NOL4L: variants seen among roughly 807,000 people sequenced by gnomAD.
NOL4L encodes nucleolar protein 4-like.
A neutral mutation model predicts 64.5 loss-of-function variants in NOL4L; 7 were observed. The observed-to-expected ratio is 0.11, with a 90% CI of 0.06 to 0.20. The LOEUF is 0.20. Ranked by LOEUF, NOL4L falls within the 10% of genes least tolerant of loss-of-function variation. The probability of loss-of-function intolerance (pLI) is 1.00; values close to 1 mark genes in which losing one functional copy is unlikely to be tolerated. For synonymous variants in NOL4L, 413 were observed against 401.0 expected, an observed-to-expected ratio of 1.03 and a Z score of -0.36; for missense variants, 680 against 967.1, an observed-to-expected ratio of 0.70 and a Z score of 3.94.
In NOL4L at chr20:32,447,683, C is replaced by T. The variant is rs369968679; in HGVS notation, c.1956G>A (p.Arg652=). 61 of 1,612,468 alleles carry T rather than the reference C, an allele frequency of 3.8e-5. No homozygotes were observed. Among genetic ancestry groups the T allele is most frequent in the Non-Finnish European group, 4.7e-5 (56 of 1,179,924 alleles). ...ACTCCCGGTAGCCCGCGATGAGCTG[C>T]CGCACGGCGCTGATCTCCGTGGGGC... is the stretch of plus-strand genomic sequence containing the variant. ...QLSPTEISAV[R]QLIAGYRESA... is the part of the protein sequence containing the mutation. The change falls in exon 11 of 11, where the codon CGG becomes CGA. Residue 652 remains arginine (R), a synonymous_variant. Coordinates refer to ENST00000621426, the MANE Select transcript of NOL4L (RefSeq NM_001256798.2).
intron 3 of NOL4L, among the ~76,000 whole-genome samples, chr20:32,516,169 C>T (rs941313938): frequency 2.0e-5 from 3 of 151,902 alleles, no homozygotes; most frequent in East Asian, 3.9e-4. Context: ...GGGTGGGCGT[C>T]GAAGGATGTG....
chr20:32,570,110 C>T (rs6141752), intron 1 of NOL4L, among the ~76,000 whole-genome samples: 39,730 of 151,890 alleles, frequency 0.26, 6,588 homozygotes, highest in East Asian at 0.75. Flanking sequence ...GAGGAGGAAA[C>T]TGAGGCCAAG....
At chr20:32,483,506 C>T in intron 4 of NOL4L, 5 of 984,142 alleles carry the variant, frequency 5.1e-6, no homozygotes, top group Non-Finnish European at 6.0e-6. Flanking sequence ...CACCGCGGCG[C>T]GTCACTGCCC....
At chr20:32,569,296 G>T (rs1979622245) in intron 1 of NOL4L, among the ~76,000 whole-genome samples, 2 of 152,230 alleles carry the variant, frequency 1.3e-5, no homozygotes, top group Non-Finnish European at 2.9e-5. Flanking sequence ...TGGAAAGAGG[G>T]ACCAGAGCTG....
At chr20:32,485,087 A>AAAAAAAAAAAAAAC (rs2016022458) in intron 4 of NOL4L, among the ~76,000 whole-genome samples, 1 of 137,702 alleles carries the variant, frequency 7.3e-6, no homozygotes, top group Non-Finnish European at 1.6e-5. Context: ...AAAAAAAAAA[A>AAAAAAAAAAAAAAC]CAACTAAAAA....
At chr20:32,475,526 G>C (rs369526962) in intron 4 of NOL4L, among the ~76,000 whole-genome samples, 23 of 152,266 alleles carry the variant, frequency 1.5e-4, no homozygotes, top group Non-Finnish European at 3.1e-4. Flanking sequence ...CCCTTGGCCA[G>C]TCATCCGGGA....
chr20:32,517,817 A>G (rs2017740981), intron 3 of NOL4L, among the ~76,000 whole-genome samples: 1 of 152,178 alleles, frequency 6.6e-6, no homozygotes, highest in Admixed American at 6.5e-5. Flanking sequence ...CCTCCACAAT[A>G]GGCTCACCCT....
intron 1 of NOL4L, among the ~76,000 whole-genome samples, chr20:32,562,691 A>G (rs1474653819): frequency 4.6e-5 from 7 of 151,782 alleles, no homozygotes; most frequent in Non-Finnish European, 8.8e-5. Flanking sequence ...CTGGTATCCT[A>G]TCTCTGGAAT....
chr20:32,520,104 G>A (rs1446507027), intron 3 of NOL4L: 1 of 152,114 alleles, frequency 6.6e-6, no homozygotes, highest in Non-Finnish European at 1.5e-5. Context: ...CTAACATGGT[G>A]AAACCCCATC....
intron 4 of NOL4L, among the ~76,000 whole-genome samples, chr20:32,488,820 T>TC (rs1491215552): frequency 5.2e-5 from 1 of 19,126 alleles, no homozygotes; most frequent in Admixed American, 7.0e-4. Flanking sequence ...TTTCTTTCTT[T>TC]CTTTCTTTTT....
chr20:32,507,232 TA>T (rs1325150294), intron 4 of NOL4L, among the ~76,000 whole-genome samples: 4 of 152,072 alleles, frequency 2.6e-5, no homozygotes, highest in Non-Finnish European at 5.9e-5. Context: ...TATTCCCAAA[TA>T]AAAAAACTCT....
rs534407631 is a variant in NOL4L, at chr20:32,500,423, G to A, written c.699+10924C>T. On this transcript the variant is annotated intron_variant, in intron 4 of 10. Coordinates refer to ENST00000621426, the MANE Select transcript of NOL4L (RefSeq NM_001256798.2). ...GGCTGGAGTGCAGTGGCACAATCTC[G>A]GCTCATTGCAAGCTCCGCCTCCCGG... 6.0e-5 allele frequency among the ~76,000 whole-genome samples: 9 copies of A among 149,076 alleles called. No individual in the cohort carries two copies. In the East Asian group the frequency reaches 1.6e-3, roughly 26 times the overall value.
intron 10 of NOL4L, among the ~76,000 whole-genome samples, chr20:32,450,800 T>TC (rs896474918): frequency 1.3e-5 from 2 of 152,144 alleles, no homozygotes; most frequent in Non-Finnish European, 2.9e-5. Flanking sequence ...GGGCTTTTCT[T>TC]CCTGGAATGA....
At chr20:32,509,084 C>G (rs2145551766) in intron 4 of NOL4L, among the ~76,000 whole-genome samples, 1 of 152,296 alleles carries the variant, frequency 6.6e-6, no homozygotes, top group South Asian at 2.1e-4. Flanking sequence ...TCAGTCCACC[C>G]TCCAAGCCCA....
At position 32,480,096 on chromosome 20, in the gene NOL4L, A is replaced by C. The variant is rs975193058; in HGVS notation, c.700-5354T>G. Reference sequence around the variant, plus strand: ...GTAACTACGGGCAGGTGCTATCAGTAACCTGATTATTTTACAACTGGGGTC... The same window carrying C: ...GTAACTACGGGCAGGTGCTATCAGTCACCTGATTATTTTACAACTGGGGTC... On this transcript the variant is annotated intron_variant, in intron 4 of 10. Transcript: ENST00000621426. Among the ~76,000 whole-genome samples, 6 of 152,238 alleles carry C rather than the reference A, an allele frequency of 3.9e-5. No homozygotes were observed. The East Asian group carries it at 1.2e-3, about 29-fold the overall frequency.
intron 1 of NOL4L, among the ~76,000 whole-genome samples, chr20:32,538,794 C>T (rs1010690833): frequency 1.3e-5 from 2 of 152,150 alleles, no homozygotes; most frequent in African/African-American, 2.4e-5. Context: ...GAGGCCAGGG[C>T]GTCGCTCCCG....
chr20:32,511,049 G>A (rs150859646), intron 4 of NOL4L, among the ~76,000 whole-genome samples: 6 of 152,242 alleles, frequency 3.9e-5, no homozygotes, highest in African/African-American at 1.2e-4. Context: ...AACTCCAGGG[G>A]CCAGGGCTGC....
At position 32,456,148 on chromosome 20, in the gene NOL4L, G is replaced by A. The variant is rs777888640; in HGVS notation, c.1089C>T (p.Arg363=). 55 of 1,557,898 alleles carry A rather than the reference G, an allele frequency of 3.5e-5. No homozygotes were observed. Among genetic ancestry groups the A allele is most frequent in the Middle Eastern group, 1.7e-4 (1 of 5,826 alleles). Residue 363 remains arginine (R), a synonymous_variant, in exon 6 of 11, where the codon CGC becomes CGT. Transcript: ENST00000621426. ...DGCGADGLRS[R]VKYGVKTTPE... is the part of the protein sequence containing the mutation. The stretch of plus-strand genomic sequence containing the variant: ...GGGTGGTCTTCACCCCGTATTTGAC[G>A]CGGCTCCGCAGCCCGTCGGCACCGC...
At chr20:32,572,667 C>G (rs1444890151) in intron 1 of NOL4L, among the ~76,000 whole-genome samples, 2 of 152,164 alleles carry the variant, frequency 1.3e-5, no homozygotes, top group Admixed American at 6.5e-5. Flanking sequence ...TTCCCACCAC[C>G]TTTGGCTTGG....
Sources: allele counts gnomAD v4.1 joint callset (sites outside exome capture counted in the v4.1 genomes callset), GRCh38; gene constraint gnomAD v4.1.1; transcripts MANE v1.5; gene names NCBI Gene and HGNC (gene_info 2026-07-23, HGNC 2026-07-21).